Variants in PRMT8 observed in about 807,000 individuals in gnomAD.
PRMT8 encodes the protein protein arginine N-methyltransferase 8.
Under a neutral mutation model 47.1 loss-of-function variants are expected in PRMT8, and 7 were observed. The observed-to-expected ratio is 0.15, with a 90% CI of 0.08 to 0.28. The LOEUF is 0.28. Ranked by LOEUF, PRMT8 falls within the 10% of genes least tolerant of loss-of-function variation. The pLI is 1.00. For synonymous variants in PRMT8, 188 were observed against 186.5 expected (o/e 1.01, Z -0.07); for missense variants, 237 against 505.4 (o/e 0.47, Z 5.09).
chr12:3,442,109 T>C (rs1864809536), intron 1 of PRMT8, among the ~76,000 whole-genome samples: 1 of 151,928 alleles, frequency 6.6e-6, no homozygotes, highest in African/African-American at 2.4e-5. Flanking sequence ...TAACTAAAAA[T>C]GAAAGTGTGA....
At chr12:3,471,463 A>G (rs1340229249) in intron 1 of PRMT8, among the ~76,000 whole-genome samples, 1 of 151,968 alleles carries the variant, frequency 6.6e-6, no homozygotes, top group Non-Finnish European at 1.5e-5. Context: ...CACCAAGGGC[A>G]GATTTGTTTT....
At chr12:3,461,679 A>G (rs1180707448) in intron 1 of PRMT8, among the ~76,000 whole-genome samples, 70 of 150,606 alleles carry the variant, frequency 4.6e-4, no homozygotes, top group African/African-American at 1.6e-3. Context: ...TCTCAAGAGG[A>G]GTCCAAGCTT....
chr12:3,412,043 GTGT>G (rs1864436125), intron 1 of PRMT8, among the ~76,000 whole-genome samples: 1 of 152,174 alleles, frequency 6.6e-6, no homozygotes, highest in Admixed American at 6.5e-5. Flanking sequence ...TCTGAGAATT[GTGT>G]TGTTAGGTGA....
intron 1 of PRMT8, among the ~76,000 whole-genome samples, chr12:3,484,148 T>C (rs1047030871): frequency 3.9e-5 from 6 of 152,178 alleles, no homozygotes; most frequent in African/African-American, 1.4e-4. Context: ...CCATCAGTTT[T>C]ACAGTGGGAA....
chr12:3,412,426 A>C (rs1016579382), intron 1 of PRMT8, among the ~76,000 whole-genome samples: 2 of 152,184 alleles, frequency 1.3e-5, no homozygotes, highest in Admixed American at 1.3e-4. Flanking sequence ...GTTTATAAAA[A>C]ATGTTTTCTT....
chr12:3,419,088 G>A (rs1864512082), intron 1 of PRMT8, among the ~76,000 whole-genome samples: 1 of 152,206 alleles, frequency 6.6e-6, no homozygotes, highest in South Asian at 2.1e-4. Context: ...CATTTACATA[G>A]CACTTCACCT....
chr12:3,558,445 A>G (rs980857873), intron 4 of PRMT8, among the ~76,000 whole-genome samples: 1 of 152,192 alleles, frequency 6.6e-6, no homozygotes, highest in African/African-American at 2.4e-5. Context: ...GCAACCATCA[A>G]AGTCAGGAAA....
intron 4 of PRMT8, among the ~76,000 whole-genome samples, chr12:3,561,580 C>T (rs537892907): frequency 1.3e-5 from 2 of 152,294 alleles, no homozygotes; most frequent in Admixed American, 6.5e-5. Flanking sequence ...GAAGCTCCTA[C>T]AGGCTGCTCT....
chr12:3,473,614 G>A (rs1331009253), intron 1 of PRMT8, among the ~76,000 whole-genome samples: 1 of 152,130 alleles, frequency 6.6e-6, no homozygotes, highest in Non-Finnish European at 1.5e-5. Flanking sequence ...GAGCCCAGGT[G>A]TGTTTCCTAA....
chr12:3,465,130 ATATAT>A (rs1350817436), intron 1 of PRMT8, among the ~76,000 whole-genome samples: 1 of 135,788 alleles, frequency 7.4e-6, no homozygotes, highest in African/African-American at 2.6e-5. Context: ...CTCAAAAAAA[ATATAT>A]ATATATATAT....
intron 1 of PRMT8, among the ~76,000 whole-genome samples, chr12:3,402,893 G>A (rs899300967): frequency 6.6e-6 from 1 of 152,216 alleles, no homozygotes; most frequent in African/African-American, 2.4e-5. Flanking sequence ...TTCAACCATT[G>A]TGGAAGATAG....
intron 1 of PRMT8, among the ~76,000 whole-genome samples, chr12:3,513,573 T>G (rs978836382): frequency 4.6e-5 from 7 of 152,194 alleles, no homozygotes; most frequent in South Asian, 4.1e-4. Context: ...TTACTTCTAC[T>G]CTTCCAATTG....
chr12:3,559,844 C>A (rs1391745497), intron 4 of PRMT8, among the ~76,000 whole-genome samples: 1 of 152,174 alleles, frequency 6.6e-6, no homozygotes, highest in Non-Finnish European at 1.5e-5. Flanking sequence ...CGCACCCCTA[C>A]CATTTCCTGG....
At position 3,593,215 on chromosome 12, in the gene PRMT8, A is replaced by G. The variant is rs1032167689; in HGVS notation, c.*33A>G. 2 of 1,565,252 alleles carry G rather than the reference A, an allele frequency of 1.3e-6. No individual in the cohort carries two copies. Among genetic ancestry groups the G allele is most frequent in the African/African-American group, 2.7e-5 (2 of 73,830 alleles). On this transcript the variant is annotated 3_prime_UTR_variant, in exon 10 of 10. Coordinates refer to ENST00000382622, the MANE Select transcript of PRMT8 (RefSeq NM_019854.5). The surrounding 1 kb of genome is among the most constrained non-coding windows in gnomAD (Gnocchi z 4.8). ...GGGAAGCTGCAGAGAGCAACGAGAA[A>G]AGGAACTCTCACCTCGATCTGCCGT...
intron 7 of PRMT8, among the ~76,000 whole-genome samples, chr12:3,582,509 G>A (rs1397182995): frequency 1.3e-5 from 2 of 152,152 alleles, no homozygotes; most frequent in African/African-American, 4.8e-5. Context: ...CTATTGCTGG[G>A]AACTTGCGTA....
chr12:3,592,359 G>A lies in PRMT8; in HGVS notation c.1101+7G>A. The A allele has an allele frequency of 6.2e-7, 1 of 1,602,368 alleles. No individual in the cohort carries two copies. Among genetic ancestry groups the A allele is most frequent in the Non-Finnish European group, 8.5e-7 (1 of 1,175,110 alleles). On this transcript the variant is annotated splice_region_variant and intron_variant, in intron 9 of 9. Coordinates refer to ENST00000382622, the MANE Select transcript of PRMT8 (RefSeq NM_019854.5). ...GCCAAATGCCAAAAATGTGGTAAGT[G>A]CCGAGGGACATAAGGACATAAGGGA...
rs556135061 is a variant in PRMT8, at chr12:3,456,930, C to T, written c.48+75488C>T. ...TTCTTGCTGTGGCTGACGTCCTAGC[C>T]GTGTTAAGGGGGTGGGGGCTCTGGC... On this transcript the variant is annotated intron_variant, in intron 1 of 9. Coordinates refer to the PRMT8 transcript ENST00000452611. The surrounding 1 kb of genome is among the most constrained non-coding windows in gnomAD (Gnocchi z 4.2). Among the ~76,000 whole-genome samples, 22 of 152,260 alleles carry T rather than the reference C, an allele frequency of 1.4e-4. 1 individual carries two copies. The highest frequency in any genetic ancestry group is 5.1e-4 in the African/African-American group (21 of 41,550).
rs1032738117 is a variant in PRMT8, at chr12:3,538,496, G to A, written c.76-2110G>A. The stretch of plus-strand genomic sequence containing the variant: ...CGTTTCCCACCCACTCCCAGCCTCC[G>A]GGGAGTCTTAGCCTGTGGAGTCCCA... On this transcript the variant is annotated intron_variant, in intron 1 of 9. Transcript: ENST00000382622. This position sits in a 1 kb window ranked among gnomAD's most constrained non-coding sequence, Gnocchi z 4.6. 7.7e-6 allele frequency: 3 copies of A among 389,478 alleles called. No homozygotes were observed. Among genetic ancestry groups the A allele is most frequent in the African/African-American group, 2.1e-5 (1 of 47,882 alleles). 24.1% of individuals were successfully genotyped at this position (389,478 alleles called of 1,614,324 possible).
intron 2 of PRMT8, among the ~76,000 whole-genome samples, chr12:3,542,122 T>A (rs889075420): frequency 6.6e-6 from 1 of 152,216 alleles, no homozygotes; most frequent in Non-Finnish European, 1.5e-5. Context: ...CAGCCCTACA[T>A]GGAGGTAGAG....
Sources: gnomAD v4.1 joint callset for allele counts (sites outside exome capture counted in the v4.1 genomes callset) on GRCh38, gnomAD v4.1.1 for gene constraint, Gnocchi (gnomAD v3.1) non-coding constraint, MANE v1.5 for transcripts, NCBI Gene and HGNC (gene_info 2026-07-23, HGNC 2026-07-21) for gene names.